The following ADAMTS9 variants were observed in gnomAD, a reference collection of about 807,000 sequenced individuals.
ADAMTS9 encodes the protein A disintegrin and metalloproteinase with thrombospondin motifs 9.
A neutral mutation model predicts 257.1 loss-of-function variants in ADAMTS9; 107 were observed. That is an observed-to-expected ratio of 0.42 (90% CI 0.36 to 0.49). The LOEUF (loss-of-function observed/expected upper bound fraction) is 0.49, where lower values mean the gene tolerates loss of function less well. ADAMTS9 is among the 20% of genes least tolerant of loss of function. The probability of loss-of-function intolerance (pLI) is 0.03; values close to 1 mark genes in which losing one functional copy is unlikely to be tolerated. For missense variants in ADAMTS9, 2,353 were observed against 2,469.1 expected (o/e 0.95, Z 1.00); for synonymous variants, 982 against 880.9 (o/e 1.11, Z -2.03).
intron 29 of ADAMTS9, among the ~76,000 whole-genome samples, chr3:64,562,564 G>C (rs1205211236): frequency 6.6e-6 from 1 of 152,078 alleles, no homozygotes; most frequent in Non-Finnish European, 1.5e-5. Context: ...TTATTGTCTT[G>C]ATTAAGGTTT....
intron 38 of ADAMTS9, among the ~76,000 whole-genome samples, chr3:64,523,334 A>C (rs2082874071): frequency 6.6e-6 from 1 of 152,192 alleles, no homozygotes; most frequent in South Asian, 2.1e-4. Context: ...CATTTCTTTG[A>C]GGAGAAAATG....
intron 12 of ADAMTS9, 36 bp downstream of exon 12, chr3:64,641,812 A>C (rs368123882): frequency 1.2e-6 from 2 of 1,607,798 alleles, no homozygotes; most frequent in Non-Finnish European, 1.7e-6. Context: ...TGTTCCTGCC[A>C]CGGCAGTAAT....
chr3:64,518,319 A>G (rs2082805837), intron 39 of ADAMTS9, among the ~76,000 whole-genome samples: 2 of 152,172 alleles, frequency 1.3e-5, no homozygotes, highest in South Asian at 2.1e-4. Context: ...TAAATGTCAA[A>G]TAGGCACTCT....
At chr3:64,547,583 G>A (rs1018183853) in intron 31 of ADAMTS9, among the ~76,000 whole-genome samples, 21 of 133,328 alleles carry the variant, frequency 1.6e-4, no homozygotes, top group Non-Finnish European at 3.2e-4. Context: ...CATGATCTCC[G>A]CTCAATGAAA....
rs552066122 is a variant in ADAMTS9, at chr3:64,529,629, T to A, written c.5718+3537A>T. On this transcript the variant is annotated intron_variant, in intron 38 of 39. Transcript: ENST00000498707. ...ACAGGATATGGCACAATTCTTGAAGTGTGTTTCATGGAACCCTGGTTATTT... is the reference window on the plus strand; with the variant it reads ...ACAGGATATGGCACAATTCTTGAAGAGTGTTTCATGGAACCCTGGTTATTT... Among the ~76,000 whole-genome samples the A allele has an allele frequency of 3.9e-5, 6 of 152,328 alleles. No homozygotes were observed. The East Asian group carries it at 1.2e-3, about 29-fold the overall frequency.
At chr3:64,610,706 A>C (rs1400380246) in intron 22 of ADAMTS9, among the ~76,000 whole-genome samples, 1 of 152,146 alleles carries the variant, frequency 6.6e-6, no homozygotes, top group African/African-American at 2.4e-5. Context: ...ATGTGGAGAG[A>C]ATGGAACCCT....
rs139019813 is a variant in ADAMTS9, at chr3:64,594,797, T to C, written c.4180-363A>G. Among the ~76,000 whole-genome samples, 854 of 152,138 alleles carry C rather than the reference T, an allele frequency of 5.6e-3. 5 individuals are homozygous for C. Among genetic ancestry groups the C allele is most frequent in the Non-Finnish European group, 9.6e-3 (654 of 67,968 alleles). ...TTAGCAAGTAACAAAGATCCTTTCT[T>C]TTTTTTTGAGACGGAGTCTTGCTCT... On this transcript the variant is annotated intron_variant, in intron 27 of 39. Transcript: ENST00000498707.
At chr3:64,609,688 C>T (rs1228169546) in intron 22 of ADAMTS9, among the ~76,000 whole-genome samples, 1 of 152,054 alleles carries the variant, frequency 6.6e-6, no homozygotes, top group Admixed American at 6.5e-5. Context: ...TTTAGTATTG[C>T]TAAGGTGACA....
At chr3:64,658,455 G>A in intron 4 of ADAMTS9, 47 bp downstream of exon 4, 3 of 1,558,950 alleles carry the variant, frequency 1.9e-6, no homozygotes, top group Non-Finnish European at 1.7e-6. Flanking sequence ...ATTCCCCAAT[G>A]GCACATTTAG....
intron 3 of ADAMTS9, among the ~76,000 whole-genome samples, chr3:64,669,644 C>G (rs1472875452): frequency 6.6e-6 from 1 of 152,080 alleles, no homozygotes; most frequent in Non-Finnish European, 1.5e-5. Flanking sequence ...CAAAACCCAA[C>G]AGAGATTCCC....
chr3:64,686,996 C>A lies in ADAMTS9; in HGVS notation c.116-28G>T. The A allele has an allele frequency of 1.3e-6, 2 of 1,581,456 alleles. No individual in the cohort carries two copies. The highest frequency in any genetic ancestry group is 2.3e-5 in the South Asian group (2 of 85,924). Reference sequence around the variant, plus strand: ...GCGGAGAGAAGCAGAGGTATATGAACCAATAATTCATTTTTCCTTAAGCTT... The same window carrying A: ...GCGGAGAGAAGCAGAGGTATATGAAACAATAATTCATTTTTCCTTAAGCTT... On this transcript the variant is annotated intron_variant, in intron 1 of 39. Transcript: ENST00000498707. The surrounding 1 kb of genome is among the most constrained non-coding windows in gnomAD (Gnocchi z 4.6).
intron 20 of ADAMTS9, 27 bp from the exon 21 acceptor site, chr3:64,615,512 A>G: frequency 6.3e-7 from 1 of 1,581,428 alleles, no homozygotes; most frequent in Non-Finnish European, 8.6e-7. Context: ...AATAAATAAA[A>G]CTGTTGCTAA....
intron 2 of ADAMTS9, among the ~76,000 whole-genome samples, chr3:64,682,812 C>T (rs887803954): frequency 1.3e-5 from 2 of 152,218 alleles, no homozygotes; most frequent in African/African-American, 2.4e-5. Context: ...GGTATTCTTA[C>T]GCATGATAAA....
chr3:64,658,739 C>G lies in ADAMTS9; in HGVS notation c.732G>C (p.Trp244Cys). ...CACCAGCCAGGTTAATCCTTTCTCC[C>G]CATTTTCTTGCTCTGGTTTTCTTCT... ...KDKKKTRARKWGERINLAGDV... is the reference protein window; with the variant it reads ...KDKKKTRARKCGERINLAGDV... Residue 244 changes from tryptophan (W) to cysteine (C), a missense_variant, in exon 4 of 40, where the codon TGG (tryptophan) becomes TGC (cysteine). Trp to Cys is a radical substitution (Grantham distance 215). Around this residue, in one of 3 missense-constraint regions of ADAMTS9, gnomAD observed 591 missense variants for 569.6 expected, o/e 1.04. Transcript: ENST00000498707. 6.2e-7 allele frequency: 1 copy of G among 1,614,176 alleles called. No homozygotes were observed. Among genetic ancestry groups the G allele is most frequent in the Non-Finnish European group, 8.5e-7 (1 of 1,180,032 alleles).
intron 30 of ADAMTS9, among the ~76,000 whole-genome samples, chr3:64,554,881 T>G (rs1052852891): frequency 7.9e-5 from 12 of 152,232 alleles, no homozygotes; most frequent in African/African-American, 2.7e-4. Flanking sequence ...CCAGGTAGGT[T>G]GGCCACAGAG....
At chr3:64,542,220 T>TGC (rs2083132850) in intron 32 of ADAMTS9, among the ~76,000 whole-genome samples, 1 of 133,074 alleles carries the variant, frequency 7.5e-6, no homozygotes, top group African/African-American at 2.5e-5. Flanking sequence ...TGTGTAATTT[T>TGC]ACACACACAC....
chr3:64,584,066 T>G (rs912802965), intron 28 of ADAMTS9: 1 of 152,132 alleles, frequency 6.6e-6, no homozygotes, highest in Non-Finnish European at 1.5e-5. Context: ...AAATAATGAT[T>G]TCACCAAGAA....
In ADAMTS9 at chr3:64,539,729, G is replaced by A. The variant is rs575872567; in HGVS notation, c.5522-435C>T. On this transcript the variant is annotated intron_variant, in intron 36 of 39. Coordinates refer to ENST00000498707, the MANE Select transcript of ADAMTS9 (RefSeq NM_182920.2). ...AGAGCATTTCCAGCTACTTAGGAGC[G>A]ATTCCCTGAGGTTTCCTCTGTCCTC... Among the ~76,000 whole-genome samples the A allele has an allele frequency of 5.9e-5, 9 of 152,304 alleles. No homozygotes were observed. In the East Asian group the frequency reaches 1.7e-3, roughly 29 times the overall value.
chr3:64,541,016 A>C, intron 36 of ADAMTS9, 79 bp downstream of exon 36: 1 of 1,572,498 alleles, frequency 6.4e-7, no homozygotes, highest in Middle Eastern at 1.7e-4. Context: ...CCTCCCTGCT[A>C]GCCAATGTGC....
Sources: gnomAD v4.1 joint callset for allele counts (sites outside exome capture counted in the v4.1 genomes callset) on GRCh38, gnomAD v4.1.1 for gene constraint, gnomAD v4.1.1 regional missense constraint, Gnocchi (gnomAD v3.1) non-coding constraint, MANE v1.5 for transcripts, NCBI Gene and HGNC (gene_info 2026-07-23, HGNC 2026-07-21) for gene names.